The following PGAP6 variants were observed in gnomAD, a reference collection of about 807,000 sequenced individuals.
PGAP6 encodes post-GPI attachment to proteins 6, also known as post-GPI attachment to proteins factor 6.
A neutral mutation model predicts 68.4 loss-of-function variants in PGAP6; 62 were observed. That is an observed-to-expected ratio of 0.91 (90% CI 0.74 to 1.12). The LOEUF is 1.12. Ranked by LOEUF, PGAP6 falls within the 50% of genes most tolerant of loss-of-function variation. The pLI is 0.00. For missense variants in PGAP6, 1,188 were observed against 1,068.5 expected (o/e 1.11, Z -1.56); for synonymous variants, 575 against 474.0 (o/e 1.21, Z -2.77).
At position 377,878 on chromosome 16, in the gene PGAP6, C is replaced by T. The variant is rs570466467; in HGVS notation, c.122-30G>A. 45 of 1,527,782 alleles carry T rather than the reference C, an allele frequency of 2.9e-5. No homozygotes were observed. In the East Asian group the frequency reaches 8.3e-4, roughly 28 times the overall value. The allele number at this position is 1,527,782 out of a possible 1,614,324, so 94.6% of individuals were successfully genotyped here. Reference sequence around the variant, plus strand: ...GAGGAGAAGGAGGTGTCAGCCAGGCCGGGACCCTCCTCCAGGGCCGCAGAT... The same window carrying T: ...GAGGAGAAGGAGGTGTCAGCCAGGCTGGGACCCTCCTCCAGGGCCGCAGAT... On this transcript the variant is annotated intron_variant, in intron 1 of 12. Coordinates refer to ENST00000431232, the MANE Select transcript of PGAP6 (RefSeq NM_021259.3).
chr16:375,540 T>C, intron 6 of PGAP6, 105 bp from the exon 7 acceptor site: 1 of 975,514 alleles, frequency 1.0e-6, no homozygotes, highest in South Asian at 1.4e-5. Context: ...TTTCTTTTTT[T>C]TTTTTTTTCT....
At chr16:377,961 G>C in intron 1 of PGAP6, 113 bp from the exon 2 acceptor site, 1 of 920,568 alleles carries the variant, frequency 1.1e-6, no homozygotes, top group Non-Finnish European at 1.6e-6. Context: ...CCCACCTGGA[G>C]ATCTTGGCAC....
chr16:377,481 G>A lies in PGAP6; in HGVS notation c.404C>T (p.Thr135Ile), dbSNP rs917110784. 5 of 1,608,728 alleles carry A rather than the reference G, an allele frequency of 3.1e-6. No individual in the cohort carries two copies. The highest frequency in any genetic ancestry group is 4.2e-6 in the Non-Finnish European group (5 of 1,178,334). ...PSFQVGVPLS[T>I]TPRSNASVNV... is the part of the protein sequence containing the mutation. ...GACGGAGGCATTGCTTCTCGGTGTGGTGCTCAGCGGCACCCCGACCTGGAA... is the reference window on the plus strand; with the variant it reads ...GACGGAGGCATTGCTTCTCGGTGTGATGCTCAGCGGCACCCCGACCTGGAA... The change falls in exon 3 of 13, where the codon ACC becomes ATC. Residue 135 changes from threonine to isoleucine, a missense_variant. Transcript: ENST00000431232.
chr16:374,952 G>A, intron 8 of PGAP6, 60 bp from the exon 9 acceptor site: 2 of 1,607,786 alleles, frequency 1.2e-6, no homozygotes, highest in Admixed American at 1.7e-5. Context: ...GCTGCCACCA[G>A]CGCTCCCAAC....
intron 11 of PGAP6, among the ~76,000 whole-genome samples, chr16:373,288 G>A (rs1056656291): frequency 5.9e-5 from 9 of 152,242 alleles, no homozygotes; most frequent in African/African-American, 1.9e-4. Flanking sequence ...AGTTCCCAGA[G>A]CAGATGGGAG....
In PGAP6 at chr16:374,106, G is replaced by C. The variant is rs2054358015; in HGVS notation, c.1801C>G (p.Leu601Val). 6.2e-7 allele frequency: 1 copy of C among 1,611,764 alleles called. No individual in the cohort carries two copies. The highest frequency in any genetic ancestry group is 1.7e-5 in the Admixed American group (1 of 60,016). Residue 601 changes from leucine to valine, a missense_variant, in exon 11 of 13, where the codon CTC (leucine) becomes GTC (valine). Transcript: ENST00000431232. ...CAGTACTGCAGCGTGTCGTAGCTGA[G>C]GATGCACAGCACCGCCTCCCCGGGC... ...DQPGEAVLCI[L>V]SYDTLQYCDF...
chr16:371,819 CGT>C lies in PGAP6; in HGVS notation c.*166_*167del. On this transcript the variant is annotated 3_prime_UTR_variant, in exon 13 of 13. Coordinates refer to ENST00000431232, the MANE Select transcript of PGAP6 (RefSeq NM_021259.3). ...AGCAGGCAGCTGGCGAGGAGAGGTG[CGT>C]GTGAGGGAGGGGTGGCCCTCTCCTC... The C allele has an allele frequency of 1.5e-6, 1 of 651,008 alleles. No individual in the cohort carries two copies. The highest frequency in any genetic ancestry group is 2.6e-6 in the Non-Finnish European group (1 of 384,876). 40.3% of individuals were successfully genotyped at this position (651,008 alleles called of 1,614,324 possible).
chr16:380,755 C>A (rs1428704222), intron 1 of PGAP6, among the ~76,000 whole-genome samples: 1 of 152,034 alleles, frequency 6.6e-6, no homozygotes, highest in East Asian at 1.9e-4. Context: ...GGCACAGCCC[C>A]CGAAAGAAAC....
At chr16:380,321 C>G (rs966733023) in intron 1 of PGAP6, among the ~76,000 whole-genome samples, 1 of 152,174 alleles carries the variant, frequency 6.6e-6, no homozygotes, top group South Asian at 2.1e-4. Context: ...GTAACTGGAA[C>G]CGCAGGCTTA....
Position 381,948 on chromosome 16 carries a change from G to A in PGAP6, c.-127C>T. Reference sequence around the variant, plus strand: ...CTCTGCCCCCGGCGCCCATGGCCCGGCCGGTCCCCGCCGCCGTCGCCCCGG... The same window carrying A: ...CTCTGCCCCCGGCGCCCATGGCCCGACCGGTCCCCGCCGCCGTCGCCCCGG... On this transcript the variant is annotated 5_prime_UTR_variant, in exon 1 of 13. Transcript: ENST00000431232. 1 of 973,600 alleles carries A rather than the reference G, an allele frequency of 1.0e-6. No individual in the cohort carries two copies. Among genetic ancestry groups the A allele is most frequent in the Non-Finnish European group, 1.2e-6 (1 of 821,064 alleles). 60.3% of individuals were successfully genotyped at this position (973,600 alleles called of 1,614,324 possible).
chr16:374,121 CCTCCCCGGGCTGGTCGCAGGCGTGGT>C lies in PGAP6; in HGVS notation c.1760_1785del (p.Tyr587CysfsTer120). On this transcript the variant is annotated frameshift_variant, in exon 11 of 13. Transcript: ENST00000431232. LOFTEE classifies it high-confidence loss of function. The stretch of plus-strand genomic sequence containing the variant: ...TCGTAGCTGAGGATGCACAGCACCG[CCTCCCCGGGCTGGTCGCAGGCGTGGT>C]AGAACTGTGGGGAGGCTCCATGAGC... The C allele has an allele frequency of 6.2e-7, 1 of 1,611,402 alleles. No individual in the cohort carries two copies. Among genetic ancestry groups the C allele is most frequent in the Non-Finnish European group, 8.5e-7 (1 of 1,179,944 alleles).
Position 374,413 on chromosome 16 carries a change from AC to A in PGAP6, c.1577-15del, listed in dbSNP as rs528184601. 498 of 1,551,008 alleles carry A rather than the reference AC, an allele frequency of 3.2e-4. 2 individuals carry two copies. The African/African-American group carries it at 6.2e-3, about 19-fold the overall frequency. ...ACCCACGCCAGCCTGCGGTCACAAA[AC>A]CCCGACGCGGAGGCTGGGGGCACTG... On this transcript the variant is annotated splice_polypyrimidine_tract_variant and intron_variant, in intron 9 of 12. Coordinates refer to ENST00000431232, the MANE Select transcript of PGAP6 (RefSeq NM_021259.3).
At chr16:374,482 A>T (rs2054363211) in intron 9 of PGAP6, 83 bp from the exon 10 acceptor site, 1 of 1,397,852 alleles carries the variant, frequency 7.2e-7, no homozygotes, top group Admixed American at 2.7e-5. Flanking sequence ...CCTGCAGAGA[A>T]GCCCCTTCCT....
intron 1 of PGAP6, among the ~76,000 whole-genome samples, chr16:381,414 C>A (rs866867082): frequency 6.6e-6 from 1 of 151,838 alleles, no homozygotes; most frequent in Non-Finnish European, 1.5e-5. Flanking sequence ...CCGGGCGCGC[C>A]GGACCTGGGC....
chr16:386,865 C>T (rs755370431), upstream of PGAP6: 1 of 688,022 alleles, frequency 1.5e-6, no homozygotes, highest in Non-Finnish European at 2.6e-6. Context: ...TGTCCACAGC[C>T]ACATAAAAAA....
At position 377,431 on chromosome 16, in the gene PGAP6, C is replaced by G. The variant is rs749714020; in HGVS notation, c.454G>C (p.Asp152His). Reference protein sequence around the residue: ...SVNVSHPAPGDWFVAAHLPPS... With the variant: ...SVNVSHPAPGHWFVAAHLPPS... ...GGCAGGTGGGCGGCCACGAACCAGTCCCCGGGGGCCGGGTGGGAAACGTTG... is the reference window on the plus strand; with the variant it reads ...GGCAGGTGGGCGGCCACGAACCAGTGCCCGGGGGCCGGGTGGGAAACGTTG... The change falls in exon 3 of 13, where the codon GAC (aspartate) becomes CAC (histidine). Residue 152 changes from aspartate to histidine, a missense_variant. Physicochemically the swap from Asp to His is moderately conservative, Grantham distance 81 (BLOSUM62 -1). Coordinates refer to ENST00000431232, the MANE Select transcript of PGAP6 (RefSeq NM_021259.3). 15 of 1,610,066 alleles carry G rather than the reference C, an allele frequency of 9.3e-6. No homozygotes were observed. In the East Asian group the frequency reaches 2.7e-4, roughly 29 times the overall value.
At chr16:376,056 G>C in intron 6 of PGAP6, 80 bp downstream of exon 6, 1 of 1,403,272 alleles carries the variant, frequency 7.1e-7, no homozygotes, top group Non-Finnish European at 9.6e-7. Context: ...CCCGTGCCAA[G>C]GTAAATGAGG....
Position 377,784 on chromosome 16 carries a change from G to A in PGAP6, c.186C>T (p.Tyr62=), listed in dbSNP as rs11641742. Residue 62 remains tyrosine, a synonymous_variant, in exon 2 of 13, where the codon TAC becomes TAT. Transcript: ENST00000431232. Reference sequence around the variant, plus strand: ...GGAAGCGGAAGAGCCTGGCACTGCCGTACCAGCTGTAGAAGGACAGCCTCT... The same window carrying A: ...GGAAGCGGAAGAGCCTGGCACTGCCATACCAGCTGTAGAAGGACAGCCTCT... ...APQRLSFYSW[Y]GSARLFRFRV... 899,725 of 1,579,136 alleles carry A rather than the reference G, an allele frequency of 0.57. 260,030 individuals are homozygous for A. Among genetic ancestry groups the A allele is most frequent in the South Asian group, 0.7 (60,304 of 86,632 alleles).
intron 11 of PGAP6, among the ~76,000 whole-genome samples, 195 bp downstream of exon 11, chr16:373,810 A>G (rs1028799567): frequency 1.6e-5 from 2 of 124,690 alleles, no homozygotes; most frequent in African/African-American, 6.8e-5. Flanking sequence ...TGCTCGGCCA[A>G]GGCATTACAG....
Sources: allele counts gnomAD v4.1 joint callset (sites outside exome capture counted in the v4.1 genomes callset), GRCh38; gene constraint gnomAD v4.1.1; transcripts MANE v1.5; gene names NCBI Gene and HGNC (gene_info 2026-07-23, HGNC 2026-07-21).